Variants in RANBP2 observed in about 807,000 individuals in gnomAD.
RANBP2 encodes the protein E3 SUMO-protein ligase RanBP2.
A neutral mutation model predicts 303.6 loss-of-function variants in RANBP2; 57 were observed. That is an observed-to-expected ratio of 0.19 (90% CI 0.15 to 0.23). RANBP2 has a LOEUF of 0.23. Among genes scored for constraint, RANBP2 ranks in the 10% least tolerant of loss-of-function variants. The probability of loss-of-function intolerance (pLI) is 1.00; values close to 1 mark genes in which losing one functional copy is unlikely to be tolerated. For synonymous variants in RANBP2, 1,167 were observed against 1,301.5 expected (o/e 0.90, Z 2.23); for missense variants, 3,138 against 3,780.8 (o/e 0.83, Z 4.46).
the RANBP2 span, among the ~76,000 whole-genome samples, chr2:109,604,332 GA>G: frequency 8.3e-6 from 1 of 120,420 alleles, no homozygotes; most frequent in African/African-American, 3.2e-5. Flanking sequence ...GACAGAGCGG[GA>G]CCCCATAGAA....
At chr2:109,201,356 C>T in the RANBP2 span, among the ~76,000 whole-genome samples, 16 of 152,370 alleles carry the variant, frequency 1.1e-4, no homozygotes, top group Non-Finnish European at 1.9e-4. Context: ...GGTACATGGC[C>T]TGGGCTTTGG....
At chr2:109,035,059 T>C in the RANBP2 span, among the ~76,000 whole-genome samples, 1 of 152,198 alleles carries the variant, frequency 6.6e-6, no homozygotes, top group African/African-American at 2.4e-5. Flanking sequence ...GAGGAGTTAC[T>C]GGTTAGATAA....
chr2:108,993,658 A>T, the RANBP2 span, among the ~76,000 whole-genome samples: 1 of 152,288 alleles, frequency 6.6e-6, no homozygotes, highest in South Asian at 2.1e-4. Flanking sequence ...TCCAGGTCAA[A>T]GGCAGAGGAA....
At chr2:109,685,032 C>T in the RANBP2 span, among the ~76,000 whole-genome samples, 2 of 151,056 alleles carry the variant, frequency 1.3e-5, no homozygotes, top group African/African-American at 4.9e-5. Context: ...CACCATCATG[C>T]CTGGATAATT....
the RANBP2 span, among the ~76,000 whole-genome samples, chr2:109,145,421 T>G: frequency 6.6e-6 from 1 of 152,138 alleles, no homozygotes; most frequent in Non-Finnish European, 1.5e-5. Context: ...TGCTGTTGGC[T>G]CTTTGCTTAT....
At chr2:109,425,532 G>C in the RANBP2 span, among the ~76,000 whole-genome samples, 3 of 152,208 alleles carry the variant, frequency 2.0e-5, no homozygotes, top group Non-Finnish European at 4.4e-5. Context: ...TCTAAGTGAA[G>C]CCAGTGTTCA....
the RANBP2 span, among the ~76,000 whole-genome samples, chr2:109,009,179 A>T: frequency 4.6e-5 from 7 of 151,798 alleles, no homozygotes; most frequent in South Asian, 2.1e-4. Context: ...CTCTACTAAA[A>T]ATACAAAAAA....
the RANBP2 span, among the ~76,000 whole-genome samples, chr2:109,035,039 C>T: frequency 6.6e-6 from 1 of 152,114 alleles, no homozygotes; most frequent in Admixed American, 6.5e-5. Flanking sequence ...GAGAGCTATC[C>T]CTGGTTTGTG....
chr2:108,888,485 A>G, the RANBP2 span, among the ~76,000 whole-genome samples: 6,261 of 152,072 alleles, frequency 0.041, 432 homozygotes, highest in African/African-American at 0.14. Context: ...GTTTGAATCC[A>G]TTTAGTCCTG....
In RANBP2 at chr2:108,729,564, C is replaced by T. The variant is rs3893831; in HGVS notation, c.140+365C>T. Among the ~76,000 whole-genome samples, 1,338 of 152,078 alleles carry T rather than the reference C, an allele frequency of 8.8e-3. 24 individuals carry two copies. The highest frequency in any genetic ancestry group is 0.03 in the African/African-American group (1,224 of 41,462). On this transcript the variant is annotated intron_variant, in intron 2 of 28. Coordinates refer to ENST00000283195, the MANE Select transcript of RANBP2 (RefSeq NM_006267.5). ...AATAGCAATGAATAAAAAATTAAACCGTAATTGTAAGGCAGGAGAATAGCT... is the reference window on the plus strand; with the variant it reads ...AATAGCAATGAATAAAAAATTAAACTGTAATTGTAAGGCAGGAGAATAGCT...
At chr2:108,999,336 A>G in the RANBP2 span, among the ~76,000 whole-genome samples, 6 of 152,218 alleles carry the variant, frequency 3.9e-5, no homozygotes, top group Non-Finnish European at 8.8e-5. Flanking sequence ...ATAATTAACA[A>G]TTACGCTTAT....
the RANBP2 span, among the ~76,000 whole-genome samples, chr2:109,151,672 G>A: frequency 7.8e-3 from 1,194 of 152,330 alleles, 13 homozygotes; most frequent in East Asian, 0.034. Context: ...CACACTTCCC[G>A]GTTTCCAGGG....
At chr2:108,975,079 C>T in the RANBP2 span, among the ~76,000 whole-genome samples, 1 of 152,206 alleles carries the variant, frequency 6.6e-6, no homozygotes, top group African/African-American at 2.4e-5. Flanking sequence ...TTCCACGGAG[C>T]CTAGCCCCAA....
At position 108,765,244 on chromosome 2, in the gene RANBP2, C is replaced by T. The variant is rs1212737081; in HGVS notation, c.4705C>T (p.Pro1569Ser). ...NATRCVACQN[P>S]DKPSPSTSVP... ...TACAAGATGTGTTGCTTGTCAGAAT[C>T]CGGATAAACCAAGTCCATCTACTTC... The change falls in exon 20 of 29, where the codon CCG (proline) becomes TCG (serine). Residue 1569 changes from proline (P) to serine (S), a missense_variant. Coordinates refer to ENST00000283195, the MANE Select transcript of RANBP2 (RefSeq NM_006267.5). The T allele has an allele frequency of 6.2e-7, 1 of 1,613,898 alleles. No individual in the cohort carries two copies. Among genetic ancestry groups the T allele is most frequent in the Middle Eastern group, 1.6e-4 (1 of 6,062 alleles).
At chr2:108,922,350 C>T in the RANBP2 span, among the ~76,000 whole-genome samples, 1 of 152,234 alleles carries the variant, frequency 6.6e-6, no homozygotes, top group African/African-American at 2.4e-5. Flanking sequence ...AGCCGAGCTG[C>T]GGCCTCCTCT....
chr2:109,115,764 G>C, the RANBP2 span, among the ~76,000 whole-genome samples: 3 of 152,156 alleles, frequency 2.0e-5, no homozygotes, highest in Non-Finnish European at 4.4e-5. Context: ...TGCAGTGGCT[G>C]GTACCGGTTG....
the RANBP2 span, among the ~76,000 whole-genome samples, chr2:109,217,893 A>G: frequency 6.6e-6 from 1 of 152,114 alleles, no homozygotes; most frequent in Non-Finnish European, 1.5e-5. Context: ...GCCTGGCACA[A>G]GGGAGCTGGC....
At chr2:109,375,779 G>A in the RANBP2 span, among the ~76,000 whole-genome samples, 1,418 of 152,354 alleles carry the variant, frequency 9.3e-3, 17 homozygotes, top group African/African-American at 0.032. Context: ...TGACCTGCTT[G>A]GGGTCAGGCC....
At chr2:109,682,430 T>G in the RANBP2 span, among the ~76,000 whole-genome samples, 2 of 152,296 alleles carry the variant, frequency 1.3e-5, no homozygotes, top group Non-Finnish European at 2.9e-5. Context: ...CGGAAAAGGC[T>G]TTGGAAATTT....
Sources: allele counts gnomAD v4.1 joint callset (sites outside exome capture counted in the v4.1 genomes callset), GRCh38; gene constraint gnomAD v4.1.1; transcripts MANE v1.5; gene names NCBI Gene and HGNC (gene_info 2026-07-23, HGNC 2026-07-21).